The following ZNF385B variants were observed in gnomAD, a reference collection of about 807,000 sequenced individuals.
The protein encoded by ZNF385B is zinc finger protein 385B.
Under a neutral mutation model 39.2 loss-of-function variants are expected in ZNF385B, and 23 were observed. The ratio of observed to expected loss-of-function variants is 0.59; its 90% CI spans 0.42 to 0.83. The LOEUF (loss-of-function observed/expected upper bound fraction) is 0.83. ZNF385B is among the 40% of genes least tolerant of loss of function. ZNF385B has a pLI of 0.00. For synonymous variants in ZNF385B, 205 were observed against 222.6 expected (o/e 0.92, Z 0.70); for missense variants, 552 against 598.9 (o/e 0.92, Z 0.82).
intron 1 of ZNF385B, among the ~76,000 whole-genome samples, chr2:179,802,153 G>T (rs949688045): frequency 2.6e-5 from 4 of 152,104 alleles, no homozygotes; most frequent in Non-Finnish European, 5.9e-5. Context: ...GCAGCTGGCT[G>T]CCATGCTAAC....
At chr2:179,770,375 T>A (rs995757514) in intron 2 of ZNF385B, 146 bp downstream of exon 2, 1 of 153,188 alleles carries the variant, frequency 6.5e-6, no homozygotes, top group Non-Finnish European at 1.5e-5. Flanking sequence ...GAATAAATGA[T>A]GTCATGAATC....
intron 3 of ZNF385B, among the ~76,000 whole-genome samples, chr2:179,754,075 T>C (rs965394396): frequency 2.0e-5 from 3 of 152,206 alleles, no homozygotes; most frequent in Non-Finnish European, 4.4e-5. Context: ...GGGTTTGTCA[T>C]AAATAGCTCT....
At chr2:179,708,179 CAT>C (rs1328398296) in intron 3 of ZNF385B, among the ~76,000 whole-genome samples, 1 of 152,208 alleles carries the variant, frequency 6.6e-6, no homozygotes, top group Admixed American at 6.5e-5. Context: ...AGAATCCCCA[CAT>C]GTCGAGGGAG....
chr2:179,557,063 G>A (rs986596517), intron 3 of ZNF385B, among the ~76,000 whole-genome samples: 17 of 149,186 alleles, frequency 1.1e-4, no homozygotes, highest in African/African-American at 4.3e-4. Flanking sequence ...AATTTTAGAG[G>A]TAAGCATAAT....
In ZNF385B at chr2:179,468,763, C is replaced by T. The variant is rs1233748075; in HGVS notation, c.715+14509G>A. Among the ~76,000 whole-genome samples, 4 of 152,112 alleles carry T rather than the reference C, an allele frequency of 2.6e-5. No individual in the cohort carries two copies. In the East Asian group the frequency reaches 7.7e-4, roughly 29 times the overall value. ...GTCAGCCTGAGAGCTAGGGAGGAAA[C>T]TGAGTCTTTCTTCATCTAGTCAGGG... On this transcript the variant is annotated intron_variant, in intron 6 of 9. Coordinates refer to ENST00000410066, the MANE Select transcript of ZNF385B (RefSeq NM_152520.6).
Position 179,472,379 on chromosome 2 carries a change from A to T in ZNF385B, c.715+10893T>A, listed in dbSNP as rs1283215494. Among the ~76,000 whole-genome samples, 8 of 152,230 alleles carry T rather than the reference A, an allele frequency of 5.3e-5. No homozygotes were observed. In the East Asian group the frequency reaches 1.3e-3, roughly 26 times the overall value. ...TTGAGTAGAATTATTTTACTTTTTA[A>T]CAGGGAACTAAGAACAATGATATTG... is the stretch of plus-strand genomic sequence containing the variant. On this transcript the variant is annotated intron_variant, in intron 6 of 9. Transcript: ENST00000410066.
intron 1 of ZNF385B, among the ~76,000 whole-genome samples, chr2:179,809,513 C>A (rs1284255427): frequency 2.0e-5 from 3 of 152,018 alleles, no homozygotes; most frequent in South Asian, 2.1e-4. Flanking sequence ...AATCAAAATA[C>A]AAGTCACAGA....
At chr2:179,769,977 T>C (rs1703921517) in intron 2 of ZNF385B, among the ~76,000 whole-genome samples, 175 bp from the exon 3 acceptor site, 1 of 152,198 alleles carries the variant, frequency 6.6e-6, no homozygotes, top group South Asian at 2.1e-4. Flanking sequence ...GGTCTTTGAA[T>C]GTGAGTTCCT....
intron 3 of ZNF385B, among the ~76,000 whole-genome samples, chr2:179,641,965 ACTGT>A (rs1167745716): frequency 1.3e-5 from 2 of 152,278 alleles, no homozygotes; most frequent in East Asian, 3.9e-4. Flanking sequence ...CCTTAGCAGC[ACTGT>A]CTGTCTCAAG....
intron 5 of ZNF385B, chr2:179,513,966 C>T (rs2057889721): frequency 6.6e-6 from 1 of 152,170 alleles, no homozygotes; most frequent in East Asian, 1.9e-4. Context: ...ATTTAAGTGT[C>T]CACCTGTAAG....
intron 3 of ZNF385B, among the ~76,000 whole-genome samples, chr2:179,764,854 A>G (rs1575448429): frequency 6.6e-6 from 1 of 152,228 alleles, no homozygotes; most frequent in Non-Finnish European, 1.5e-5. Flanking sequence ...TTGGTTACAC[A>G]TTATTCTGCG....
chr2:179,493,796 T>TATGTGTATATACATATATGTATACAG (rs2055822085), intron 5 of ZNF385B, among the ~76,000 whole-genome samples: 1 of 101,124 alleles, frequency 9.9e-6, no homozygotes, highest in African/African-American at 3.4e-5. Flanking sequence ...TATGTATACA[T>TATGTGTATATACATATATGTATACAG]ATATGTATAT....
chr2:179,677,929 A>G (rs1329916940), intron 3 of ZNF385B, among the ~76,000 whole-genome samples: 1 of 152,214 alleles, frequency 6.6e-6, no homozygotes, highest in Non-Finnish European at 1.5e-5. Flanking sequence ...TGCATTGTGT[A>G]ATAATCTGAG....
At chr2:179,458,684 A>G (rs1029572359) in intron 6 of ZNF385B, among the ~76,000 whole-genome samples, 1 of 152,150 alleles carries the variant, frequency 6.6e-6, no homozygotes, top group African/African-American at 2.4e-5. Flanking sequence ...TCTACCAAGA[A>G]AAGAAGGAAT....
At chr2:179,661,827 C>A (rs1045079457) in intron 3 of ZNF385B, among the ~76,000 whole-genome samples, 1 of 152,168 alleles carries the variant, frequency 6.6e-6, no homozygotes, top group African/African-American at 2.4e-5. Context: ...TGTGTCATAG[C>A]TGTTCATATT....
intron 3 of ZNF385B, among the ~76,000 whole-genome samples, chr2:179,609,893 C>A (rs78809516): frequency 6.6e-6 from 1 of 152,168 alleles, no homozygotes; most frequent in Non-Finnish European, 1.5e-5. Context: ...CTATTCAGAT[C>A]TTTTGCCCAT....
chr2:179,820,167 T>C (rs1559224341), intron 1 of ZNF385B, among the ~76,000 whole-genome samples: 1 of 152,080 alleles, frequency 6.6e-6, no homozygotes, highest in East Asian at 1.9e-4. Context: ...AAAATAAAAG[T>C]TTGATAATTT....
intron 1 of ZNF385B, among the ~76,000 whole-genome samples, chr2:179,818,338 G>A (rs1478921224): frequency 6.6e-6 from 1 of 152,140 alleles, no homozygotes; most frequent in Non-Finnish European, 1.5e-5. Flanking sequence ...TAGCAGCAGG[G>A]CATGGAGGAT....
At chr2:179,835,627 T>C (rs981237744) in intron 1 of ZNF385B, among the ~76,000 whole-genome samples, 1 of 152,094 alleles carries the variant, frequency 6.6e-6, no homozygotes, top group Non-Finnish European at 1.5e-5. Context: ...TTCCTACCTC[T>C]TCTCACCCTT....
Sources: allele counts gnomAD v4.1 joint callset (sites outside exome capture counted in the v4.1 genomes callset), GRCh38; gene constraint gnomAD v4.1.1; transcripts MANE v1.5; gene names NCBI Gene and HGNC (gene_info 2026-07-23, HGNC 2026-07-21).